The following UBXN11 variants were observed in gnomAD, a reference collection of about 807,000 sequenced individuals.
UBXN11 encodes UBX domain protein 11, also known as UBX domain-containing protein 11.
Under a neutral mutation model 62.8 loss-of-function variants are expected in UBXN11, and 47 were observed. That is an observed-to-expected ratio of 0.75 (90% CI 0.59 to 0.95). The LOEUF (loss-of-function observed/expected upper bound fraction) is 0.95. Among genes scored for constraint, UBXN11 ranks in the 40% least tolerant of loss-of-function variants. UBXN11 has a pLI of 0.00. For synonymous variants in UBXN11, 294 were observed against 267.0 expected, an observed-to-expected ratio of 1.10 and a Z score of -0.99; for missense variants, 638 against 661.7, an observed-to-expected ratio of 0.96 and a Z score of 0.39.
At chr1:26,306,841 G>GGGGGGGGGGGGT (rs2073682898), upstream of UBXN11, 1 of 99,472 alleles carries the variant, frequency 1.0e-5, no homozygotes, top group Non-Finnish European at 2.1e-5. Flanking sequence ...GGGGGGGGGG[G>GGGGGGGGGGGGT]TGGTTCGTTC....
At chr1:26,303,841 TGA>T (rs1315844425) in intron 1 of UBXN11, among the ~76,000 whole-genome samples, 2 of 152,236 alleles carry the variant, frequency 1.3e-5, no homozygotes, top group East Asian at 3.9e-4. Context: ...CTGAAAAATG[TGA>T]GTTGGGGCTG....
intron 8 of UBXN11, 104 bp downstream of exon 8, chr1:26,294,101 G>A: frequency 6.6e-7 from 1 of 1,514,004 alleles, no homozygotes; most frequent in Non-Finnish European, 8.8e-7. Flanking sequence ...CTTGGGTCAG[G>A]GACCCGGGCA....
intron 8 of UBXN11, among the ~76,000 whole-genome samples, chr1:26,293,724 C>CAA (rs1163207554): frequency 0.027 from 722 of 26,906 alleles, 196 homozygotes; most frequent in African/African-American, 0.065. Flanking sequence ...GACTCCGTCT[C>CAA]AAAAAAAAAA....
chr1:26,285,786 GGCACTAGA>G (rs2073117292), intron 9 of UBXN11, 29 bp downstream of exon 9: 14 of 1,562,472 alleles, frequency 9.0e-6, no homozygotes, highest in Non-Finnish European at 1.2e-5. Flanking sequence ...GGGCAGCAGG[GGCACTAGA>G]GCACCACCCC....
At chr1:26,296,897 C>T in intron 7 of UBXN11, 22 bp downstream of exon 7, 3 of 1,593,234 alleles carry the variant, frequency 1.9e-6, no homozygotes, top group Non-Finnish European at 1.7e-6. Context: ...TGCCCGCATC[C>T]CCCGGGGCCC....
chr1:26,285,400 G>A, intron 10 of UBXN11, 64 bp downstream of exon 10: 1 of 1,576,312 alleles, frequency 6.3e-7, no homozygotes, highest in Non-Finnish European at 8.6e-7. Flanking sequence ...GGTGTCTGGG[G>A]AGGCTGTGTA....
intron 1 of UBXN11, among the ~76,000 whole-genome samples, chr1:26,305,991 G>A (rs2073658070): frequency 6.6e-6 from 1 of 152,156 alleles, no homozygotes; most frequent in Non-Finnish European, 1.5e-5. Context: ...TTGTCTCCAG[G>A]TTAATCTTCT....
chr1:26,290,969 C>G (rs983378471), intron 8 of UBXN11, among the ~76,000 whole-genome samples: 2 of 152,126 alleles, frequency 1.3e-5, no homozygotes, highest in African/African-American at 4.8e-5. Flanking sequence ...CCCTGAAGCA[C>G]CTGGCACAGC....
At chr1:26,301,159 G>A in intron 3 of UBXN11, 135 bp from the exon 4 acceptor site, 1 of 1,507,310 alleles carries the variant, frequency 6.6e-7, no homozygotes, top group Non-Finnish European at 8.9e-7. Flanking sequence ...TCACAAGGCT[G>A]GGGAGCAAGG....
chr1:26,317,204 G>A (rs778452459), intron 1 of UBXN11, among the ~76,000 whole-genome samples: 3 of 151,430 alleles, frequency 2.0e-5, no homozygotes, highest in Non-Finnish European at 4.4e-5. Context: ...TCATGCCAGT[G>A]CACAGAGCAA....
chr1:26,306,834 G>GGGGGT (rs1553165094), upstream of UBXN11: 112 of 40,176 alleles, frequency 2.8e-3, no homozygotes, highest in African/African-American at 3.6e-3. Flanking sequence ...CGGGGTGGGG[G>GGGGGT]GGGGGGGTGG....
chr1:26,305,720 G>A (rs1350064399), intron 1 of UBXN11, among the ~76,000 whole-genome samples: 16 of 151,692 alleles, frequency 1.1e-4, no homozygotes, highest in Non-Finnish European at 1.9e-4. Context: ...CAACATTTTC[G>A]TCAAACTCAC....
intron 1 of UBXN11, among the ~76,000 whole-genome samples, chr1:26,305,631 G>A (rs1441944388): frequency 6.6e-6 from 1 of 151,982 alleles, no homozygotes; most frequent in Non-Finnish European, 1.5e-5. Context: ...ACACTTTAAA[G>A]GAGTGAAGTA....
chr1:26,294,456 A>G, intron 7 of UBXN11, 125 bp from the exon 8 acceptor site: 1 of 1,376,506 alleles, frequency 7.3e-7, no homozygotes, highest in South Asian at 1.4e-5. Flanking sequence ...GACCAGACAA[A>G]GGGATGAGTA....
chr1:26,300,974 A>G lies in UBXN11; in HGVS notation c.151T>C (p.Ser51Pro), dbSNP rs1398308095. 6.2e-7 allele frequency: 1 copy of G among 1,614,084 alleles called. No individual in the cohort carries two copies. The highest frequency in any genetic ancestry group is 8.5e-7 in the Non-Finnish European group (1 of 1,180,014). Reference sequence around the variant, plus strand: ...ATGCCGCCATAGCAGGAAGGGACTGAGATCTTTTCTTCTGAGCCACACCCA... The same window carrying G: ...ATGCCGCCATAGCAGGAAGGGACTGGGATCTTTTCTTCTGAGCCACACCCA... ...SDGCGSEEKI[S>P]VPSCYGGIGA... Residue 51 changes from serine to proline, a missense_variant, in exon 4 of 15, where the codon TCA (serine) becomes CCA (proline). Ser to Pro is a moderately conservative substitution (Grantham distance 74). Transcript: ENST00000374222.
chr1:26,318,077 A>G (rs372393073), exon 1 of UBXN11: 295 of 1,613,702 alleles, frequency 1.8e-4, no homozygotes, highest in Non-Finnish European at 2.4e-4. Context: ...TACAGGTAAG[A>G]GCAACGCCTG....
At chr1:26,315,151 TGGACTGTA>T (rs2073780175) in intron 1 of UBXN11, among the ~76,000 whole-genome samples, 1 of 152,168 alleles carries the variant, frequency 6.6e-6, no homozygotes, top group Non-Finnish European at 1.5e-5. Flanking sequence ...AGGAAATACA[TGGACTGTA>T]GAAGATACTC....
chr1:26,302,955 C>T (rs746486616), intron 1 of UBXN11, 37 bp from the exon 2 acceptor site: 191 of 1,491,922 alleles, frequency 1.3e-4, no homozygotes, highest in Non-Finnish European at 1.7e-4. Flanking sequence ...TGGGGACAGA[C>T]TCAGGGCTCC....
Position 26,297,966 on chromosome 1 carries a change from G to T in UBXN11, c.296C>A (p.Ser99Tyr). ...CTCTCCCACCTGGAGCCCCACCTTG[G>T]ACAGTATCTCATCAGTCTGGGCCTT... ...QVKAQTDEIL[S>Y]KDQKIAALED... Residue 99 changes from serine (S) to tyrosine (Y), a missense_variant, in exon 5 of 15, where the codon TCC becomes TAC. Coordinates refer to ENST00000374222, the MANE Select transcript of UBXN11 (RefSeq NM_001389556.1). 1 of 1,613,616 alleles carries T rather than the reference G, an allele frequency of 6.2e-7. No homozygotes were observed. The highest frequency in any genetic ancestry group is 1.1e-5 in the South Asian group (1 of 90,936).
Sources: allele counts gnomAD v4.1 joint callset (sites outside exome capture counted in the v4.1 genomes callset), GRCh38; gene constraint gnomAD v4.1.1; transcripts MANE v1.5; gene names NCBI Gene and HGNC (gene_info 2026-07-23, HGNC 2026-07-21).